Variants in MAST2 observed in about 807,000 individuals in gnomAD.
MAST2 encodes the protein microtubule-associated serine/threonine-protein kinase 2.
MAST2 carries 70 observed loss-of-function variants against 147.4 expected under a neutral mutation model. The observed-to-expected ratio is 0.47, with a 90% CI of 0.39 to 0.58. The LOEUF is 0.58. Among genes scored for constraint, MAST2 ranks in the 20% least tolerant of loss-of-function variants. The pLI, the probability that MAST2 is intolerant of heterozygous loss-of-function variation, is 0.00. For synonymous variants in MAST2, 869 were observed against 896.8 expected (o/e 0.97, Z 0.55); for missense variants, 2,080 against 2,302.3 (o/e 0.90, Z 1.98).
At chr1:45,936,527 G>A (rs151235587) in intron 4 of MAST2, among the ~76,000 whole-genome samples, 2 of 152,216 alleles carry the variant, frequency 1.3e-5, no homozygotes, top group East Asian at 1.9e-4. Flanking sequence ...TTTGAGGTAT[G>A]TTCCTTTGAT....
At chr1:45,968,580 C>T (rs946086391) in intron 5 of MAST2, among the ~76,000 whole-genome samples, 2 of 151,650 alleles carry the variant, frequency 1.3e-5, no homozygotes, top group Non-Finnish European at 2.9e-5. Flanking sequence ...TGTCTTCGCT[C>T]CTCTGAAGAT....
At chr1:45,877,027 C>T (rs539913521) in intron 3 of MAST2, among the ~76,000 whole-genome samples, 1 of 152,182 alleles carries the variant, frequency 6.6e-6, no homozygotes, top group South Asian at 2.1e-4. Flanking sequence ...GATATATTAC[C>T]TTAGCACATT....
chr1:45,883,394 T>G (rs1646930268), intron 4 of MAST2, among the ~76,000 whole-genome samples: 1 of 152,194 alleles, frequency 6.6e-6, no homozygotes, highest in East Asian at 1.9e-4. Flanking sequence ...TTGTGAAGCC[T>G]TTTGGGCTGT....
intron 4 of MAST2, among the ~76,000 whole-genome samples, chr1:45,927,064 G>A (rs1233226799): frequency 6.6e-6 from 1 of 152,132 alleles, no homozygotes; most frequent in East Asian, 1.9e-4. Context: ...GGTAGGATCC[G>A]TGATGCCCCA....
intron 3 of MAST2, among the ~76,000 whole-genome samples, chr1:45,857,669 T>G (rs887580645): frequency 2.6e-5 from 4 of 152,140 alleles, no homozygotes; most frequent in African/African-American, 9.7e-5. Context: ...GTTACATATG[T>G]ATACATGTGC....
At chr1:45,854,143 A>T (rs938088176) in intron 3 of MAST2, among the ~76,000 whole-genome samples, 6 of 152,246 alleles carry the variant, frequency 3.9e-5, no homozygotes, top group Admixed American at 2.0e-4. Context: ...GTTCGAGACC[A>T]GCCTGGCCAA....
At chr1:45,807,224 C>T (rs756629741) in intron 1 of MAST2, among the ~76,000 whole-genome samples, 2 of 152,056 alleles carry the variant, frequency 1.3e-5, no homozygotes, top group Non-Finnish European at 2.9e-5. Flanking sequence ...CATTCTGTTA[C>T]TGCTTCTCTA....
At chr1:45,891,908 C>G (rs1426408665) in intron 4 of MAST2, among the ~76,000 whole-genome samples, 1 of 152,132 alleles carries the variant, frequency 6.6e-6, no homozygotes, top group African/African-American at 2.4e-5. Flanking sequence ...TACCACATTT[C>G]ACTTGTAATA....
intron 12 of MAST2, 45 bp from the exon 13 acceptor site, chr1:46,022,865 C>T (rs776568782): frequency 7.6e-6 from 11 of 1,451,582 alleles, no homozygotes; most frequent in Middle Eastern, 1.7e-4. Flanking sequence ...TGCTGAGATA[C>T]CTGACATTGC....
At chr1:46,005,657 C>T (rs1034927427) in intron 7 of MAST2, among the ~76,000 whole-genome samples, 1 of 152,124 alleles carries the variant, frequency 6.6e-6, no homozygotes, top group African/African-American at 2.4e-5. Context: ...TCTTCAGGTC[C>T]AGATGTAAAA....
At chr1:45,918,977 G>T (rs1653018453) in intron 4 of MAST2, among the ~76,000 whole-genome samples, 1 of 152,064 alleles carries the variant, frequency 6.6e-6, no homozygotes, top group Admixed American at 6.6e-5. Context: ...ACAAAAATTA[G>T]CTGGGCATGG....
At chr1:46,033,278 A>G (rs1646754773) in intron 26 of MAST2, among the ~76,000 whole-genome samples, 1 of 151,732 alleles carries the variant, frequency 6.6e-6, no homozygotes, top group Non-Finnish European at 1.5e-5. Flanking sequence ...TTTCCAAAAA[A>G]AAAAAAAAAA....
At chr1:46,022,110 G>C in intron 12 of MAST2, 28 bp downstream of exon 12, 1 of 1,612,552 alleles carries the variant, frequency 6.2e-7, no homozygotes, top group Admixed American at 1.7e-5. Context: ...TGGCTGCAAA[G>C]AGGCCCCACT....
chr1:46,035,568 C>T lies in MAST2; in HGVS notation c.4899C>T (p.Ser1633=), dbSNP rs201991796. 6.8e-6 allele frequency: 11 copies of T among 1,613,694 alleles called. No homozygotes were observed. Among genetic ancestry groups the T allele is most frequent in the Non-Finnish European group, 9.3e-6 (11 of 1,180,016 alleles). The stretch of plus-strand genomic sequence containing the variant: ...AGGCACTAACAGCACTTTCTCCCAG[C>T]ACTTCGGGACTCACCCCCACCAGCA... ...HTQALTALSP[S]TSGLTPTSSC... The change falls in exon 29 of 29, where the codon AGC becomes AGT. Residue 1633 remains serine, a synonymous_variant. Transcript: ENST00000361297. This position sits in a 1 kb window ranked among gnomAD's most constrained non-coding sequence, Gnocchi z 5.5.
At chr1:46,008,275 A>C in intron 8 of MAST2, 21 bp from the exon 9 acceptor site, 2 of 1,566,784 alleles carry the variant, frequency 1.3e-6, no homozygotes, top group Non-Finnish European at 1.8e-6. Flanking sequence ...AAAGTAACAC[A>C]ATCATTTCTT....
intron 5 of MAST2, among the ~76,000 whole-genome samples, chr1:45,996,853 G>A (rs1331052341): frequency 1.3e-5 from 2 of 152,208 alleles, no homozygotes; most frequent in Admixed American, 6.5e-5. Context: ...GAGAAAGCCA[G>A]CGCATGTTGA....
rs1374871405 is a variant in MAST2 at position 46,030,125 on chromosome 1, C to T, written c.2444-4C>T. 1.2e-5 allele frequency: 20 copies of T among 1,613,944 alleles called. No homozygotes were observed. Among genetic ancestry groups the T allele is most frequent in the Non-Finnish European group, 1.5e-5 (18 of 1,179,902 alleles). On this transcript the variant is annotated splice_polypyrimidine_tract_variant and splice_region_variant and intron_variant, in intron 20 of 28. Coordinates refer to ENST00000361297, the MANE Select transcript of MAST2 (RefSeq NM_015112.3). ...AAGGAAAGTGTCCTTTATGTCTGGC[C>T]CAGCCCGCTCAGAGCGATACCACCA...
chr1:45,873,938 A>T (rs1646498440), intron 3 of MAST2, among the ~76,000 whole-genome samples: 1 of 152,126 alleles, frequency 6.6e-6, no homozygotes, highest in African/African-American at 2.4e-5. Context: ...TTCCCACCTC[A>T]GCCCCCTGAG....
intron 3 of MAST2, among the ~76,000 whole-genome samples, chr1:45,844,795 C>T (rs773255985): frequency 2.0e-4 from 31 of 152,094 alleles, no homozygotes; most frequent in African/African-American, 6.5e-4. Flanking sequence ...TTGGTTTGTT[C>T]GTCCGTTTTG....
Sources: gnomAD v4.1 joint callset for allele counts (sites outside exome capture counted in the v4.1 genomes callset) on GRCh38, gnomAD v4.1.1 for gene constraint, Gnocchi (gnomAD v3.1) non-coding constraint, MANE v1.5 for transcripts, NCBI Gene and HGNC (gene_info 2026-07-23, HGNC 2026-07-21) for gene names.